Variants in DOCK1 observed in about 807,000 individuals in gnomAD.
DOCK1 encodes the protein dedicator of cytokinesis protein 1.
DOCK1 carries 138 observed loss-of-function variants against 262.7 expected under a neutral mutation model. The ratio of observed to expected loss-of-function variants is 0.53; its 90% confidence interval spans 0.46 to 0.61. The LOEUF (loss-of-function observed/expected upper bound fraction) is 0.61, where lower values mean the gene tolerates loss of function less well. Ranked by LOEUF, DOCK1 falls within the 20% of genes least tolerant of loss-of-function variation. The pLI, the probability that DOCK1 is intolerant of heterozygous loss-of-function variation, is 0.00. For missense variants in DOCK1, 1,908 were observed against 2,370.7 expected (o/e 0.80, Z 4.05); for synonymous variants, 866 against 867.4 (o/e 1.00, Z 0.03).
intron 50 of DOCK1, 27 bp from the exon 51 acceptor site, chr10:127,447,367 G>A: frequency 6.2e-7 from 1 of 1,604,490 alleles, no homozygotes; most frequent in Non-Finnish European, 8.5e-7. Context: ...AAGTCGGGCT[G>A]ATTTTAAATA....
At position 127,197,603 on chromosome 10, in the gene DOCK1, G is replaced by A. The variant is rs1373495644; in HGVS notation, c.2848-50405G>A. On this transcript the variant is annotated intron_variant, in intron 27 of 51. Transcript: ENST00000623213. ...AGGTCAGAGAAGTAGTGGACCCCAG[G>A]GAAGGGACAGGCTTCGGAGAGGAAA... 2.6e-5 allele frequency among the ~76,000 whole-genome samples: 4 copies of A among 152,166 alleles called. No individual in the cohort carries two copies. The East Asian group carries it at 7.7e-4, about 29-fold the overall frequency.
chr10:127,329,934 A>C (rs138730426), intron 29 of DOCK1, among the ~76,000 whole-genome samples: 1 of 152,100 alleles, frequency 6.6e-6, no homozygotes, highest in Non-Finnish European at 1.5e-5. Flanking sequence ...GTACCTGCCT[A>C]CCTTGATTTC....
chr10:127,201,621 C>G (rs964709084), intron 27 of DOCK1, among the ~76,000 whole-genome samples: 1 of 151,976 alleles, frequency 6.6e-6, no homozygotes, highest in Admixed American at 6.6e-5. Flanking sequence ...TTCTAATGCT[C>G]CCTGCAACTG....
In DOCK1 at chr10:126,905,486, C is replaced by G. The variant is rs1313033397; in HGVS notation, c.-32C>G. The G allele has an allele frequency of 3.8e-6, 2 of 528,958 alleles. No homozygotes were observed. Among genetic ancestry groups the G allele is most frequent in the Non-Finnish European group, 3.5e-6 (1 of 286,524 alleles). 32.8% of individuals were successfully genotyped at this position (528,958 alleles called of 1,614,324 possible). ...AAATGGCGGCCTAGACGCGGAGTTT[C>G]CTGCCCGACCCGCGGCGGCTCCGGC... On this transcript the variant is annotated 5_prime_UTR_variant, in exon 1 of 52. Transcript: ENST00000623213.
chr10:127,240,595 C>T (rs1215211269), intron 27 of DOCK1, among the ~76,000 whole-genome samples: 1 of 152,096 alleles, frequency 6.6e-6, no homozygotes, highest in Admixed American at 6.5e-5. Context: ...TTTTTGAGGG[C>T]ACAGCGATGA....
At position 127,108,855 on chromosome 10, in the gene DOCK1, C is replaced by T. The variant is rs1465185752; in HGVS notation, c.2517-1393C>T. Among the ~76,000 whole-genome samples the T allele has an allele frequency of 3.3e-5, 5 of 152,086 alleles. No individual in the cohort carries two copies. The East Asian group carries it at 5.8e-4, about 18-fold the overall frequency. ...GTATGACATAGGTTCTATTGTTAGCCGAATTTTATCCTCAATAACTTGTCC... is the reference window on the plus strand; with the variant it reads ...GTATGACATAGGTTCTATTGTTAGCTGAATTTTATCCTCAATAACTTGTCC... On this transcript the variant is annotated intron_variant, in intron 24 of 51. Transcript: ENST00000623213.
chr10:127,361,396 G>C (rs543327118), intron 32 of DOCK1, among the ~76,000 whole-genome samples: 1 of 152,268 alleles, frequency 6.6e-6, no homozygotes, highest in South Asian at 2.1e-4. Context: ...TTACAGGCGT[G>C]AGCCACCACA....
intron 4 of DOCK1, among the ~76,000 whole-genome samples, chr10:126,986,608 G>T (rs565564898): frequency 6.6e-6 from 1 of 152,278 alleles, no homozygotes; most frequent in South Asian, 2.1e-4. Context: ...AATAGGTAAT[G>T]AGTTAAGAAT....
chr10:127,070,297 A>AGGCTGGG (rs2046148442), intron 23 of DOCK1, among the ~76,000 whole-genome samples: 1 of 106,790 alleles, frequency 9.4e-6, no homozygotes, highest in Admixed American at 1.5e-4. Context: ...CCTGTCACCC[A>AGGCTGGG]GGCTGGAGAG....
intron 27 of DOCK1, among the ~76,000 whole-genome samples, chr10:127,138,823 A>G (rs2050943475): frequency 2.0e-5 from 3 of 152,240 alleles, no homozygotes; most frequent in Admixed American, 2.0e-4. Context: ...TATTTCTTAC[A>G]GCATTTCTCC....
At chr10:127,119,713 T>G (rs2049424621) in intron 25 of DOCK1, among the ~76,000 whole-genome samples, 1 of 152,178 alleles carries the variant, frequency 6.6e-6, no homozygotes. Flanking sequence ...TAAATGCACT[T>G]TATGGATCAT....
chr10:127,451,177 C>T (rs1343406320), intron 51 of DOCK1, among the ~76,000 whole-genome samples, 155 bp from the exon 52 acceptor site: 2 of 152,112 alleles, frequency 1.3e-5, no homozygotes, highest in Non-Finnish European at 2.9e-5. Context: ...CCTAGTAGAC[C>T]TGCCAGCCCC....
chr10:126,960,544 G>T (rs2037113246), intron 1 of DOCK1, among the ~76,000 whole-genome samples: 1 of 151,134 alleles, frequency 6.6e-6, no homozygotes, highest in African/African-American at 2.4e-5. Context: ...GGGACCTGGA[G>T]AGCCAAGCTG....
At chr10:127,068,298 T>C (rs1418182823) in intron 23 of DOCK1, among the ~76,000 whole-genome samples, 2 of 152,210 alleles carry the variant, frequency 1.3e-5, no homozygotes, top group Admixed American at 6.5e-5. Context: ...CACAGATTTG[T>C]ACACATAGAA....
At chr10:127,291,293 A>C (rs2061337949) in intron 29 of DOCK1, among the ~76,000 whole-genome samples, 1 of 152,218 alleles carries the variant, frequency 6.6e-6, no homozygotes, top group African/African-American at 2.4e-5. Context: ...AGCAGGTGCC[A>C]GCTTCCTTCC....
intron 47 of DOCK1, among the ~76,000 whole-genome samples, chr10:127,428,813 G>A (rs370072800): frequency 0.035 from 4,958 of 140,734 alleles, 88 homozygotes; most frequent in Non-Finnish European, 0.051. Context: ...TTGGGGTGCC[G>A]TGTGGATTGG....
At chr10:127,415,278 T>G in intron 44 of DOCK1, 40 bp downstream of exon 44, 1 of 1,587,522 alleles carries the variant, frequency 6.3e-7, no homozygotes, top group East Asian at 2.2e-5. Flanking sequence ...GTCCGTTCCC[T>G]TCCTCAATAC....
chr10:127,216,670 C>A (rs543228671), intron 27 of DOCK1, among the ~76,000 whole-genome samples: 1 of 152,218 alleles, frequency 6.6e-6, no homozygotes, highest in South Asian at 2.1e-4. Flanking sequence ...TGCACCCATC[C>A]CAACCGCCCC....
At chr10:127,387,974 A>G (rs1024375040) in intron 38 of DOCK1, among the ~76,000 whole-genome samples, 5 of 152,164 alleles carry the variant, frequency 3.3e-5, no homozygotes, top group African/African-American at 1.2e-4. Flanking sequence ...GTGGTTCTCA[A>G]CTGAGATCTG....
Sources: gnomAD v4.1 joint callset for allele counts (sites outside exome capture counted in the v4.1 genomes callset) on GRCh38, gnomAD v4.1.1 for gene constraint, MANE v1.5 for transcripts, NCBI Gene and HGNC (gene_info 2026-07-23, HGNC 2026-07-21) for gene names.